TMC1: variants seen among roughly 807,000 people sequenced by gnomAD.
TMC1 encodes transmembrane channel-like protein 1.
A neutral mutation model predicts 105.8 loss-of-function variants in TMC1; 84 were observed. The ratio of observed to expected loss-of-function variants is 0.79; its 90% CI spans 0.67 to 0.95. The LOEUF is 0.95. Ranked by LOEUF, TMC1 falls within the 40% of genes least tolerant of loss-of-function variation. TMC1 has a pLI of 0.00. For missense variants in TMC1, 817 were observed against 914.1 expected (o/e 0.89, Z 1.37); for synonymous variants, 315 against 311.5 (o/e 1.01, Z -0.12).
At position 72,727,828 on chromosome 9, in the gene TMC1, T is replaced by G. The variant is rs141306291; in HGVS notation, c.363-12291T>G. ...TAATACTATCCCTACCTTCAGGTAT[T>G]AGTGTTGCTAATAACATGCTCAACT... On this transcript the variant is annotated intron_variant, in intron 8 of 23. Transcript: ENST00000297784. 8.8e-4 allele frequency among the ~76,000 whole-genome samples: 134 copies of G among 152,220 alleles called. 1 individual carries two copies. Among genetic ancestry groups the G allele is most frequent in the African/African-American group, 3.1e-3 (129 of 41,572 alleles).
intron 12 of TMC1, among the ~76,000 whole-genome samples, chr9:72,767,680 C>T (rs189257166): frequency 1.3e-5 from 2 of 152,324 alleles, no homozygotes; most frequent in Admixed American, 6.5e-5. Flanking sequence ...ATAGACAACA[C>T]ACGAGCATGG....
chr9:72,576,842 G>A (rs915022826), intron 1 of TMC1, among the ~76,000 whole-genome samples: 1 of 151,652 alleles, frequency 6.6e-6, no homozygotes, highest in South Asian at 2.1e-4. Context: ...TGTTGGCCAG[G>A]GTGGTCTGGA....
chr9:72,802,258 C>T (rs867218009), intron 17 of TMC1, among the ~76,000 whole-genome samples: 9 of 99,632 alleles, frequency 9.0e-5, no homozygotes, highest in African/African-American at 3.0e-4. Context: ...TACATATATA[C>T]ATACATACAT....
chr9:72,550,762 C>T (rs924625507), intron 1 of TMC1, among the ~76,000 whole-genome samples: 7 of 152,060 alleles, frequency 4.6e-5, no homozygotes, highest in Admixed American at 2.6e-4. Flanking sequence ...TACTTCTTCC[C>T]TCTCCCAAGA....
intron 10 of TMC1, among the ~76,000 whole-genome samples, chr9:72,745,435 G>A (rs957566112): frequency 3.3e-5 from 5 of 152,050 alleles, no homozygotes; most frequent in African/African-American, 9.6e-5. Context: ...AGTATTCTAC[G>A]AGGCCGATGG....
intron 3 of TMC1, among the ~76,000 whole-genome samples, chr9:72,617,947 G>GTGTGTA (rs1449573693): frequency 7.8e-6 from 1 of 128,950 alleles, no homozygotes; most frequent in African/African-American, 2.9e-5. Context: ...GTGTGTGTGT[G>GTGTGTA]TGTATGTGTG....
At chr9:72,549,616 T>C (rs1349633377) in intron 1 of TMC1, among the ~76,000 whole-genome samples, 2 of 150,380 alleles carry the variant, frequency 1.3e-5, no homozygotes, top group Non-Finnish European at 3.0e-5. Flanking sequence ...CTATTTTTTT[T>C]TTTTTTTTTT....
At chr9:72,807,529 A>G (rs573774667) in intron 18 of TMC1, among the ~76,000 whole-genome samples, 3 of 152,352 alleles carry the variant, frequency 2.0e-5, no homozygotes, top group Middle Eastern at 3.4e-3. Context: ...TGTTGAACTC[A>G]GTAAATCTTG....
intron 5 of TMC1, among the ~76,000 whole-genome samples, chr9:72,668,289 TGTCTG>T (rs993806398): frequency 2.6e-5 from 4 of 152,222 alleles, no homozygotes; most frequent in Admixed American, 2.0e-4. Flanking sequence ...GTTAAAAAGT[TGTCTG>T]GTCATAATTT....
chr9:72,749,184 T>A (rs1164608354), intron 10 of TMC1, among the ~76,000 whole-genome samples: 4 of 152,200 alleles, frequency 2.6e-5, no homozygotes, highest in African/African-American at 9.6e-5. Flanking sequence ...TGTCAGGGAT[T>A]GTGTGTAGGT....
At chr9:72,790,133 T>A (rs980209653) in intron 15 of TMC1, among the ~76,000 whole-genome samples, 1 of 152,208 alleles carries the variant, frequency 6.6e-6, no homozygotes, top group Non-Finnish European at 1.5e-5. Context: ...TGACGTCATT[T>A]TGAGCTTGGG....
At chr9:72,569,855 C>A (rs568984600) in intron 1 of TMC1, among the ~76,000 whole-genome samples, 2 of 152,156 alleles carry the variant, frequency 1.3e-5, no homozygotes, top group Admixed American at 6.5e-5. Context: ...GCTGATCCCC[C>A]TGAGTGCTGT....
In TMC1 at chr9:72,787,999, G is replaced by A. The variant is rs114433581; in HGVS notation, c.885-340G>A. 4.2e-3 allele frequency among the ~76,000 whole-genome samples: 643 copies of A among 152,160 alleles called. 3 individuals carry two copies. Among genetic ancestry groups the A allele is most frequent in the African/African-American group, 0.015 (612 of 41,528 alleles). On this transcript the variant is annotated intron_variant, in intron 13 of 23. Coordinates refer to ENST00000297784, the MANE Select transcript of TMC1 (RefSeq NM_138691.3). ...GGGGAGGGATTCAATAGATTTCATCGTATTCTTAAAGAAATTCTTGTCCTA... is the reference window on the plus strand; with the variant it reads ...GGGGAGGGATTCAATAGATTTCATCATATTCTTAAAGAAATTCTTGTCCTA...
intron 7 of TMC1, among the ~76,000 whole-genome samples, chr9:72,695,512 AC>A (rs1201785101): frequency 6.6e-6 from 1 of 150,620 alleles, no homozygotes; most frequent in Non-Finnish European, 1.5e-5. Flanking sequence ...AGAACAGCCA[AC>A]CTGTTCCACA....
chr9:72,745,502 C>T (rs1827475767), intron 10 of TMC1, among the ~76,000 whole-genome samples: 1 of 151,974 alleles, frequency 6.6e-6, no homozygotes, highest in African/African-American at 2.4e-5. Context: ...TTTTCATTTT[C>T]TCATGTATTT....
chr9:72,807,004 G>A (rs571932713), intron 18 of TMC1, among the ~76,000 whole-genome samples: 12 of 152,362 alleles, frequency 7.9e-5, no homozygotes, highest in Admixed American at 5.2e-4. Flanking sequence ...GACTCCGTCT[G>A]CAATCCCGGC....
chr9:72,573,964 C>A (rs1311676518), intron 1 of TMC1, among the ~76,000 whole-genome samples: 1 of 152,036 alleles, frequency 6.6e-6, no homozygotes, highest in African/African-American at 2.4e-5. Flanking sequence ...TCAAGTAGAC[C>A]CCAGAGTCTG....
chr9:72,605,207 G>T (rs1276370920), intron 2 of TMC1, among the ~76,000 whole-genome samples: 2 of 152,094 alleles, frequency 1.3e-5, no homozygotes, highest in African/African-American at 2.4e-5. Context: ...CAACTGAGGG[G>T]TTATCATTTA....
At chr9:72,816,293 GAGGAGAATACAA>G in intron 19 of TMC1, 83 bp downstream of exon 19, 2 of 1,337,584 alleles carry the variant, frequency 1.5e-6, no homozygotes, top group Non-Finnish European at 2.2e-6. Context: ...CCTGGTGTTA[GAGGAGAATACAA>G]TCGGTGTCTA....
Sources: gnomAD v4.1 joint callset for allele counts (sites outside exome capture counted in the v4.1 genomes callset) on GRCh38, gnomAD v4.1.1 for gene constraint, MANE v1.5 for transcripts, NCBI Gene and HGNC (gene_info 2026-07-23, HGNC 2026-07-21) for gene names.